PSPC1: variants seen among roughly 807,000 people sequenced by gnomAD.
PSPC1 encodes paraspeckle protein 1.
In PSPC1, 14 loss-of-function variants were observed where a neutral mutation model predicts 51.6. That is an observed-to-expected ratio of 0.27 (90% CI 0.18 to 0.42). PSPC1 has a LOEUF of 0.42. Ranked by LOEUF, PSPC1 falls within the 10% of genes least tolerant of loss-of-function variation. The probability of loss-of-function intolerance (pLI) is 1.00; values close to 1 mark genes in which losing one functional copy is unlikely to be tolerated. For missense variants in PSPC1, 406 were observed against 701.1 expected, an observed-to-expected ratio of 0.58 and a Z score of 4.75; for synonymous variants, 193 against 231.9, an observed-to-expected ratio of 0.83 and a Z score of 1.53.
At chr13:19,766,848 T>C (rs1888122228) in intron 2 of PSPC1, among the ~76,000 whole-genome samples, 1 of 150,116 alleles carries the variant, frequency 6.7e-6, no homozygotes, top group Admixed American at 6.7e-5. Context: ...CACTGAGACA[T>C]TGCCTCGAGG....
rs942931388 is a variant in PSPC1 at position 19,746,322 on chromosome 13, A to G, written c.968-4673T>C. Among the ~76,000 whole-genome samples, 16 of 151,736 alleles carry G rather than the reference A, an allele frequency of 1.1e-4. 1 individual carries two copies. Among genetic ancestry groups the G allele is most frequent in the Admixed American group, 9.8e-4 (15 of 15,230 alleles). On this transcript the variant is annotated intron_variant, in intron 4 of 8. Coordinates refer to ENST00000338910, the MANE Select transcript of PSPC1 (RefSeq NM_001354909.2). ...GAGGCTGAGGCAGGAGAATCACTTG[A>G]AACACAGAGGCAGAGGTTGCAGCAA... is the stretch of plus-strand genomic sequence containing the variant.
intron 6 of PSPC1, among the ~76,000 whole-genome samples, chr13:19,717,276 G>C (rs1376915910): frequency 6.6e-6 from 1 of 151,728 alleles, no homozygotes; most frequent in African/African-American, 2.4e-5. Context: ...TCTAATAAAA[G>C]TAAACTGGGC....
Position 19,774,840 on chromosome 13 carries a change from A to G in PSPC1, c.373-2297T>C, listed in dbSNP as rs546068588. On this transcript the variant is annotated intron_variant, in intron 1 of 8. Coordinates refer to ENST00000338910, the MANE Select transcript of PSPC1 (RefSeq NM_001354909.2). ...AAAACAAAAAAAAAAAAGAAAAAGA[A>G]AAAGAAAGAAAGAAAAGCAAACATT... Among the ~76,000 whole-genome samples the G allele has an allele frequency of 2.6e-5, 4 of 151,280 alleles. No homozygotes were observed. In the East Asian group the frequency reaches 7.7e-4, roughly 29 times the overall value.
chr13:19,766,871 A>T (rs962966768), intron 2 of PSPC1, among the ~76,000 whole-genome samples: 1 of 152,002 alleles, frequency 6.6e-6, no homozygotes, highest in Non-Finnish European at 1.5e-5. Context: ...AAAAAAAGAA[A>T]AAAAAAAAGG....
intron 5 of PSPC1, among the ~76,000 whole-genome samples, chr13:19,733,857 G>T (rs1884442832): frequency 6.6e-6 from 1 of 151,748 alleles, no homozygotes; most frequent in African/African-American, 2.4e-5. Context: ...GGAGGCTAAG[G>T]TGGGAAGATC....
chr13:19,693,903 C>A (rs1341865284), intron 6 of PSPC1, among the ~76,000 whole-genome samples: 1 of 152,024 alleles, frequency 6.6e-6, no homozygotes, highest in Non-Finnish European at 1.5e-5. Context: ...ATGGGCGGAT[C>A]ACGAGGTCAG....
intron 2 of PSPC1, among the ~76,000 whole-genome samples, chr13:19,769,519 C>G (rs1888413236): frequency 6.6e-6 from 1 of 152,174 alleles, no homozygotes; most frequent in Non-Finnish European, 1.5e-5. Flanking sequence ...CGCCACTGCA[C>G]TCCGGCCTGG....
At chr13:19,708,054 G>A (rs970635051) in intron 7 of PSPC1, among the ~76,000 whole-genome samples, 8 of 152,084 alleles carry the variant, frequency 5.3e-5, no homozygotes, top group African/African-American at 1.4e-4. Context: ...CTTTATGGGC[G>A]AGGGCCATGT....
chr13:19,750,924 C>A (rs1393722119), intron 4 of PSPC1, among the ~76,000 whole-genome samples: 1 of 151,980 alleles, frequency 6.6e-6, no homozygotes, highest in African/African-American at 2.4e-5. Context: ...TGCGCACCAC[C>A]ACGGCTGGCT....
intron 5 of PSPC1, among the ~76,000 whole-genome samples, chr13:19,735,544 A>C (rs1020986191): frequency 7.9e-5 from 12 of 152,336 alleles, no homozygotes; most frequent in African/African-American, 2.4e-4. Flanking sequence ...CATTGAAAGT[A>C]AAACCAGAAA....
chr13:19,710,800 A>G (rs1881296297), intron 6 of PSPC1, among the ~76,000 whole-genome samples: 1 of 151,858 alleles, frequency 6.6e-6, no homozygotes, highest in African/African-American at 2.4e-5. Flanking sequence ...GCTTTCTCAC[A>G]TTATTTAGAA....
At chr13:19,689,958 A>G (rs1049639133) in intron 6 of PSPC1, among the ~76,000 whole-genome samples, 3 of 152,216 alleles carry the variant, frequency 2.0e-5, no homozygotes, top group African/African-American at 7.2e-5. Flanking sequence ...GCAACTGAAA[A>G]AAAGGATAGG....
At chr13:19,745,283 C>T (rs1162480479) in intron 4 of PSPC1, among the ~76,000 whole-genome samples, 1 of 152,172 alleles carries the variant, frequency 6.6e-6, no homozygotes. Context: ...TATGCCAACG[C>T]AGTCCAGCCT....
chr13:19,780,204 C>G (rs1225596564), intron 1 of PSPC1, among the ~76,000 whole-genome samples: 2 of 132,414 alleles, frequency 1.5e-5, no homozygotes, highest in African/African-American at 5.4e-5. Context: ...TCAGCCCCCC[C>G]GCCCGGCCAG....
At chr13:19,671,266 T>A, downstream of PSPC1, 1 of 1,613,908 alleles carries the variant, frequency 6.2e-7, no homozygotes, top group Non-Finnish European at 8.5e-7. Context: ...CTTCATAAGG[T>A]TGACAGAAGC....
At chr13:19,738,142 A>C (rs1208530887) in intron 5 of PSPC1, among the ~76,000 whole-genome samples, 1 of 152,174 alleles carries the variant, frequency 6.6e-6, no homozygotes, top group African/African-American at 2.4e-5. Context: ...ATACATATTA[A>C]CCCATACATA....
At chr13:19,704,569 C>CT (rs1593572421) in intron 8 of PSPC1, among the ~76,000 whole-genome samples, 1 of 152,368 alleles carries the variant, frequency 6.6e-6, no homozygotes, top group East Asian at 1.9e-4. Context: ...ACTAAACTGC[C>CT]TTTTCAAAAT....
intron 6 of PSPC1, among the ~76,000 whole-genome samples, chr13:19,679,552 G>T (rs1258997645): frequency 6.6e-6 from 1 of 152,258 alleles, no homozygotes; most frequent in East Asian, 1.9e-4. Flanking sequence ...TGTCTATACT[G>T]AACATGTATA....
chr13:19,693,895 G>A (rs1265341603), intron 6 of PSPC1, among the ~76,000 whole-genome samples: 2 of 152,002 alleles, frequency 1.3e-5, no homozygotes, highest in Non-Finnish European at 2.9e-5. Context: ...AGGCCGAGAT[G>A]GGCGGATCAC....
Sources: allele counts gnomAD v4.1 joint callset (sites outside exome capture counted in the v4.1 genomes callset), GRCh38; gene constraint gnomAD v4.1.1; transcripts MANE v1.5; gene names NCBI Gene and HGNC (gene_info 2026-07-23, HGNC 2026-07-21).